The following AKAP19 variants were observed in gnomAD, a reference collection of about 807,000 sequenced individuals.
AKAP19 encodes the protein small A-kinase anchoring protein.
At chr2:189,972,492 G>A in the AKAP19 span, among the ~76,000 whole-genome samples, 5 of 152,062 alleles carry the variant, frequency 3.3e-5, no homozygotes, top group Non-Finnish European at 7.4e-5. Context: ...TATGAACTTT[G>A]AAGTAGTTTT....
At chr2:190,201,702 A>G in the AKAP19 span, 4 of 167,030 alleles carry the variant, frequency 2.4e-5, no homozygotes, top group Non-Finnish European at 5.9e-5. Flanking sequence ...CTCATCATTC[A>G]ACTCTAATTT....
chr2:190,081,938 G>A, the AKAP19 span, among the ~76,000 whole-genome samples: 1 of 152,082 alleles, frequency 6.6e-6, no homozygotes, highest in South Asian at 2.1e-4. Flanking sequence ...GATGGGATGG[G>A]CTTTCTCCCC....
chr2:190,086,987 G>A, the AKAP19 span, among the ~76,000 whole-genome samples: 1 of 152,084 alleles, frequency 6.6e-6, no homozygotes, highest in Non-Finnish European at 1.5e-5. Context: ...TTCCTTCCAT[G>A]GAAACTAAGA....
chr2:190,054,370 C>G, the AKAP19 span, among the ~76,000 whole-genome samples: 2 of 152,006 alleles, frequency 1.3e-5, no homozygotes, highest in East Asian at 3.8e-4. Context: ...AATGTTAGAC[C>G]TAAAACCATA....
the AKAP19 span, among the ~76,000 whole-genome samples, chr2:190,109,170 A>G: frequency 6.6e-6 from 1 of 152,234 alleles, no homozygotes; most frequent in Non-Finnish European, 1.5e-5. Flanking sequence ...AACTCTAGGC[A>G]ATCAAGAGTT....
At chr2:189,931,482 C>T in the AKAP19 span, among the ~76,000 whole-genome samples, 19 of 152,152 alleles carry the variant, frequency 1.2e-4, no homozygotes, top group African/African-American at 4.1e-4. Context: ...CTGTGTCAGT[C>T]TCTCTAGTAG....
the AKAP19 span, among the ~76,000 whole-genome samples, chr2:190,016,246 G>A: frequency 4.4e-4 from 67 of 152,308 alleles, no homozygotes; most frequent in South Asian, 0.013. Context: ...TTTGTAAAGG[G>A]AAGAGGTTTA....
chr2:189,983,183 G>T, the AKAP19 span, among the ~76,000 whole-genome samples: 1 of 152,152 alleles, frequency 6.6e-6, no homozygotes, highest in Non-Finnish European at 1.5e-5. Context: ...TGCTCCTGTT[G>T]CAGGGCTCAC....
chr2:190,193,742 A>G, the AKAP19 span, among the ~76,000 whole-genome samples: 8 of 152,174 alleles, frequency 5.3e-5, no homozygotes, highest in African/African-American at 7.2e-5. Context: ...AGATGTATCT[A>G]TTAGATCTTT....
the AKAP19 span, among the ~76,000 whole-genome samples, chr2:190,169,156 T>C: frequency 6.6e-6 from 1 of 152,154 alleles, no homozygotes; most frequent in Non-Finnish European, 1.5e-5. Context: ...TCTCACATGA[T>C]AGCAGACAAG....
chr2:190,035,568 C>T, the AKAP19 span, among the ~76,000 whole-genome samples: 13 of 152,194 alleles, frequency 8.5e-5, no homozygotes, highest in Admixed American at 8.5e-4. Flanking sequence ...GAGTAGCCCC[C>T]TCATGCCACT....
At chr2:190,065,367 A>G in the AKAP19 span, among the ~76,000 whole-genome samples, 10 of 152,146 alleles carry the variant, frequency 6.6e-5, no homozygotes, top group Non-Finnish European at 1.2e-4. Context: ...CTGAAGATGA[A>G]TGGTGGTGAT....
the AKAP19 span, among the ~76,000 whole-genome samples, chr2:189,996,718 A>G: frequency 6.6e-6 from 1 of 152,192 alleles, no homozygotes; most frequent in Non-Finnish European, 1.5e-5. Flanking sequence ...TCATTTGGAT[A>G]GACTATTTTA....
chr2:190,106,171 T>G, the AKAP19 span, among the ~76,000 whole-genome samples: 1 of 152,206 alleles, frequency 6.6e-6, no homozygotes. Flanking sequence ...TATAGATACA[T>G]CAACATAGGA....
chr2:190,169,087 A>C, the AKAP19 span, among the ~76,000 whole-genome samples: 2 of 152,318 alleles, frequency 1.3e-5, no homozygotes, highest in South Asian at 4.1e-4. Flanking sequence ...GGTTTATTGG[A>C]CTTGCAGTTC....
the AKAP19 span, among the ~76,000 whole-genome samples, chr2:189,962,510 C>T: frequency 1.3e-5 from 2 of 152,048 alleles, no homozygotes; most frequent in South Asian, 4.2e-4. Flanking sequence ...AAAGAAAAAA[C>T]AAGAACTATT....
At chr2:190,188,168 C>T in the AKAP19 span, among the ~76,000 whole-genome samples, 1 of 152,058 alleles carries the variant, frequency 6.6e-6, no homozygotes, top group East Asian at 1.9e-4. Flanking sequence ...TCTCTTTCTC[C>T]TTTTGATTTT....
chr2:190,189,479 ATAAG>A, the AKAP19 span, among the ~76,000 whole-genome samples: 102 of 152,356 alleles, frequency 6.7e-4, no homozygotes, highest in African/African-American at 2.4e-3. Context: ...AGCAGATGTG[ATAAG>A]TAACTGAAGA....
At chr2:189,897,034 T>A in the AKAP19 span, among the ~76,000 whole-genome samples, 141,318 of 152,108 alleles carry the variant, frequency 0.93, 65,846 homozygotes, top group East Asian at 0.98. Context: ...ACTAGCTGTG[T>A]TACTGTAGAC....
Sources: allele counts gnomAD v4.1 joint callset (sites outside exome capture counted in the v4.1 genomes callset), GRCh38; gene constraint gnomAD v4.1.1; transcripts MANE v1.5; gene names NCBI Gene and HGNC (gene_info 2026-07-23, HGNC 2026-07-21).